The following SERPINI1 variants were observed in gnomAD, a reference collection of about 807,000 sequenced individuals.
SERPINI1 encodes the protein neuroserpin.
In SERPINI1, 19 loss-of-function variants were observed where a neutral mutation model predicts 41.1. That is an observed-to-expected ratio of 0.46 (90% confidence interval 0.32 to 0.68). The LOEUF (loss-of-function observed/expected upper bound fraction) is 0.68. Among genes scored for constraint, SERPINI1 ranks in the 30% least tolerant of loss-of-function variants. SERPINI1 has a pLI of 0.03. For synonymous variants in SERPINI1, 138 were observed against 156.6 expected (o/e 0.88, Z 0.89); for missense variants, 460 against 479.2 (o/e 0.96, Z 0.37).
intron 1 of SERPINI1, among the ~76,000 whole-genome samples, chr3:167,758,322 A>T (rs991757170): frequency 6.6e-6 from 1 of 152,228 alleles, no homozygotes; most frequent in Admixed American, 6.5e-5. Flanking sequence ...ATCTGGGACA[A>T]TTTGAAAAAT....
At chr3:167,745,449 T>C (rs1043062027) in intron 1 of SERPINI1, among the ~76,000 whole-genome samples, 1 of 151,992 alleles carries the variant, frequency 6.6e-6, no homozygotes, top group African/African-American at 2.4e-5. Flanking sequence ...ATAATTTTTT[T>C]AAAAAACATA....
chr3:167,744,674 A>T (rs1388410318), intron 1 of SERPINI1, among the ~76,000 whole-genome samples: 2 of 108,150 alleles, frequency 1.8e-5, no homozygotes, highest in Admixed American at 1.9e-4. Flanking sequence ...AAATATATAT[A>T]TAAATATATA....
chr3:167,804,527 C>T (rs1711556605), intron 5 of SERPINI1, among the ~76,000 whole-genome samples: 1 of 152,138 alleles, frequency 6.6e-6, no homozygotes, highest in African/African-American at 2.4e-5. Flanking sequence ...TAATAAATGC[C>T]TTTGCTTGTT....
chr3:167,782,457 G>A (rs753113778), intron 1 of SERPINI1, among the ~76,000 whole-genome samples: 4 of 152,114 alleles, frequency 2.6e-5, no homozygotes, highest in Non-Finnish European at 4.4e-5. Flanking sequence ...TACTCTTGCT[G>A]TTCCTTCTGA....
At chr3:167,792,342 T>C (rs74498790) in intron 3 of SERPINI1, among the ~76,000 whole-genome samples, 18,799 of 148,014 alleles carry the variant, frequency 0.13, 1,373 homozygotes, top group African/African-American at 0.21. Flanking sequence ...TATATATATA[T>C]ACACACACAT....
intron 1 of SERPINI1, among the ~76,000 whole-genome samples, chr3:167,773,466 C>T (rs1726859242): frequency 6.6e-6 from 1 of 152,168 alleles, no homozygotes; most frequent in Non-Finnish European, 1.5e-5. Flanking sequence ...ATTTCCTTGA[C>T]ACATCTTTCT....
At chr3:167,818,360 TCA>T (rs1483901885) in intron 6 of SERPINI1, among the ~76,000 whole-genome samples, 2 of 152,164 alleles carry the variant, frequency 1.3e-5, no homozygotes, top group Non-Finnish European at 2.9e-5. Flanking sequence ...GGAGAAAGGT[TCA>T]CAGATATATG....
chr3:167,808,397 G>T (rs1394842873), intron 6 of SERPINI1, among the ~76,000 whole-genome samples: 1 of 151,230 alleles, frequency 6.6e-6, no homozygotes, highest in Non-Finnish European at 1.5e-5. Context: ...ATCACAAAAA[G>T]GCAACAATGA....
At chr3:167,760,612 T>A (rs1726346124) in intron 1 of SERPINI1, among the ~76,000 whole-genome samples, 2 of 144,818 alleles carry the variant, frequency 1.4e-5, no homozygotes, top group Admixed American at 1.4e-4. Context: ...TGTGTGTGTC[T>A]TAACTGTGTT....
At chr3:167,815,798 A>G (rs1362285781) in intron 6 of SERPINI1, among the ~76,000 whole-genome samples, 1 of 152,124 alleles carries the variant, frequency 6.6e-6, no homozygotes, top group Admixed American at 6.6e-5. Context: ...GCTATCCCTC[A>G]TGTAGCAGTT....
intron 1 of SERPINI1, among the ~76,000 whole-genome samples, chr3:167,780,076 A>G (rs1295658375): frequency 6.6e-6 from 1 of 152,180 alleles, no homozygotes; most frequent in Non-Finnish European, 1.5e-5. Flanking sequence ...AGGAAAAAAT[A>G]TATACTTCTT....
At chr3:167,774,757 T>C (rs1164994972) in intron 1 of SERPINI1, among the ~76,000 whole-genome samples, 2 of 148,854 alleles carry the variant, frequency 1.3e-5, no homozygotes, top group African/African-American at 5.0e-5. Flanking sequence ...GTGGAGCAGT[T>C]TCATCCCCAA....
intron 5 of SERPINI1, among the ~76,000 whole-genome samples, chr3:167,805,898 A>G (rs951684824): frequency 1.3e-5 from 2 of 151,830 alleles, no homozygotes; most frequent in Admixed American, 6.6e-5. Flanking sequence ...CCATTGGTCT[A>G]TATATCTGTT....
intron 1 of SERPINI1, among the ~76,000 whole-genome samples, chr3:167,771,988 A>G (rs1018911131): frequency 6.6e-6 from 1 of 152,268 alleles, no homozygotes; most frequent in Non-Finnish European, 1.5e-5. Context: ...GTGAAATAGT[A>G]CGAGGCTTGA....
intron 1 of SERPINI1, among the ~76,000 whole-genome samples, chr3:167,741,997 T>C (rs1407301543): frequency 3.3e-5 from 5 of 152,122 alleles, no homozygotes; most frequent in Non-Finnish European, 5.9e-5. Context: ...GTTTTTGTAT[T>C]TCAGAGTTTC....
chr3:167,821,639 C>A (rs964120392), intron 6 of SERPINI1, among the ~76,000 whole-genome samples: 19 of 152,170 alleles, frequency 1.2e-4, no homozygotes, highest in Non-Finnish European at 2.4e-4. Flanking sequence ...GTGCAGCCTG[C>A]CAGGCCGAGT....
intron 1 of SERPINI1, among the ~76,000 whole-genome samples, chr3:167,755,164 T>C (rs898888117): frequency 2.0e-5 from 3 of 152,222 alleles, no homozygotes; most frequent in Non-Finnish European, 4.4e-5. Context: ...AACTACATTT[T>C]TTTAAGTTTA....
At chr3:167,816,621 A>G (rs1490850537) in intron 6 of SERPINI1, among the ~76,000 whole-genome samples, 1 of 152,152 alleles carries the variant, frequency 6.6e-6, no homozygotes, top group African/African-American at 2.4e-5. Flanking sequence ...AAATGACACA[A>G]TCCTTGCCTT....
intron 7 of SERPINI1, 109 bp downstream of exon 7, chr3:167,823,181 C>T: frequency 1.3e-6 from 1 of 798,486 alleles, no homozygotes; most frequent in Non-Finnish European, 2.2e-6. Flanking sequence ...TCACTCTGCT[C>T]TAACTTAGAA....
Sources: gnomAD v4.1 joint callset for allele counts (sites outside exome capture counted in the v4.1 genomes callset) on GRCh38, gnomAD v4.1.1 for gene constraint, MANE v1.5 for transcripts, NCBI Gene and HGNC (gene_info 2026-07-23, HGNC 2026-07-21) for gene names.